The following FAM171A1 variants were observed in gnomAD, a reference collection of about 807,000 sequenced individuals.
The protein encoded by FAM171A1 is protein FAM171A1.
A neutral mutation model predicts 74.9 loss-of-function variants in FAM171A1; 23 were observed. That is an observed-to-expected ratio of 0.31 (90% CI 0.22 to 0.44). The LOEUF (loss-of-function observed/expected upper bound fraction) is 0.44, where lower values mean the gene tolerates loss of function less well. FAM171A1 is among the 20% of genes least tolerant of loss of function. The pLI, the probability that FAM171A1 is intolerant of heterozygous loss-of-function variation, is 1.00. For synonymous variants in FAM171A1, 527 were observed against 505.7 expected (o/e 1.04, Z -0.57); for missense variants, 1,162 against 1,159.2 (o/e 1.00, Z -0.03).
rs574496266 is a variant in FAM171A1, at chr10:15,275,951, C to G, written c.326-4G>C. Reference sequence around the variant, plus strand: ...CCAAGGCTCAGAGAGGAAAATACTGCAGGAAAAAGAAATGGATAGAAGGGG... The same window carrying G: ...CCAAGGCTCAGAGAGGAAAATACTGGAGGAAAAAGAAATGGATAGAAGGGG... On this transcript the variant is annotated splice_polypyrimidine_tract_variant and splice_region_variant and intron_variant, in intron 2 of 7. Transcript: ENST00000378116. The G allele has an allele frequency of 2.6e-4, 410 of 1,600,816 alleles. 3 individuals carry two copies. In the South Asian group the frequency reaches 4.4e-3, roughly 17 times the overall value.
chr10:15,277,009 T>C (rs1834903554), intron 2 of FAM171A1, among the ~76,000 whole-genome samples: 1 of 152,164 alleles, frequency 6.6e-6, no homozygotes, highest in African/African-American at 2.4e-5. Flanking sequence ...TTTCAAACTC[T>C]TGCTTAAGTA....
intron 3 of FAM171A1, among the ~76,000 whole-genome samples, chr10:15,269,400 T>C (rs2131790215): frequency 6.6e-6 from 1 of 152,130 alleles, no homozygotes; most frequent in South Asian, 2.1e-4. Flanking sequence ...ATTACAGGTG[T>C]GAGCCATTGT....
In FAM171A1 at chr10:15,213,122, C is replaced by G; in HGVS notation, c.2466G>C (p.Arg822=). 1 of 1,613,908 alleles carries G rather than the reference C, an allele frequency of 6.2e-7. No individual in the cohort carries two copies. The highest frequency in any genetic ancestry group is 8.5e-7 in the Non-Finnish European group (1 of 1,179,892). The part of the protein sequence containing the change: ...ALRCLLEGSS[R]RSGGQLPSLQ... ...GGCTGGGCAGCTGGCCACCACTTCT[C>G]CGACTCGACCCCTCCAACAAGCATC... Residue 822 remains arginine, a synonymous_variant, in exon 8 of 8, where the codon CGG becomes CGC. Transcript: ENST00000378116. This position sits in a 1 kb window ranked among gnomAD's most constrained non-coding sequence, Gnocchi z 6.8.
intron 1 of FAM171A1, among the ~76,000 whole-genome samples, chr10:15,313,872 G>T (rs1490536737): frequency 1.3e-5 from 2 of 152,206 alleles, no homozygotes; most frequent in Non-Finnish European, 2.9e-5. Context: ...CCCAACCGAG[G>T]GTTGATCTGT....
intron 1 of FAM171A1, among the ~76,000 whole-genome samples, chr10:15,305,664 TAA>T (rs59843893): frequency 1.5e-4 from 8 of 52,940 alleles, no homozygotes; most frequent in Non-Finnish European, 2.6e-4. Context: ...GAGATCTGGC[TAA>T]AAAAAAAAAA....
chr10:15,288,813 CTTTTTTTTT>C (rs71505064), intron 1 of FAM171A1, among the ~76,000 whole-genome samples: 547 of 73,694 alleles, frequency 7.4e-3, no homozygotes, highest in African/African-American at 0.025. Context: ...TTCGGTAATT[CTTTTTTTTT>C]TTTTTTTTTT....
chr10:15,343,177 C>A (rs192377884), intron 1 of FAM171A1, among the ~76,000 whole-genome samples: 1 of 152,208 alleles, frequency 6.6e-6, no homozygotes, highest in Non-Finnish European at 1.5e-5. Flanking sequence ...GCCTGGACAA[C>A]ACAGCAAGAC....
intron 1 of FAM171A1, among the ~76,000 whole-genome samples, chr10:15,343,450 C>T (rs1835787371): frequency 2.0e-5 from 3 of 152,180 alleles, no homozygotes; most frequent in Non-Finnish European, 4.4e-5. Context: ...TAGAACAGTG[C>T]TTGGATCACT....
chr10:15,309,852 A>G (rs934959117), intron 1 of FAM171A1, among the ~76,000 whole-genome samples: 1 of 152,232 alleles, frequency 6.6e-6, no homozygotes, highest in African/African-American at 2.4e-5. Context: ...ATTTAAACAC[A>G]GCAAACTTTC....
intron 1 of FAM171A1, among the ~76,000 whole-genome samples, chr10:15,286,642 G>A (rs1835038483): frequency 6.6e-6 from 1 of 152,140 alleles, no homozygotes; most frequent in Admixed American, 6.5e-5. Context: ...ATATAGAGAA[G>A]AACTTCTTTT....
chr10:15,361,804 T>C (rs1220484966), intron 1 of FAM171A1, among the ~76,000 whole-genome samples: 2 of 152,342 alleles, frequency 1.3e-5, no homozygotes, highest in South Asian at 2.1e-4. Context: ...TTTCTCCCAA[T>C]ACAAATTCAA....
intron 1 of FAM171A1, among the ~76,000 whole-genome samples, chr10:15,330,536 T>C (rs2131857974): frequency 6.6e-6 from 1 of 152,212 alleles, no homozygotes; most frequent in East Asian, 1.9e-4. Flanking sequence ...ATTAATAAGA[T>C]TGCCCTAATA....
chr10:15,296,190 T>C (rs1835158966), intron 1 of FAM171A1, among the ~76,000 whole-genome samples: 1 of 152,200 alleles, frequency 6.6e-6, no homozygotes, highest in African/African-American at 2.4e-5. Context: ...ACTGGAGTTT[T>C]CATGTAATTT....
Position 15,354,874 on chromosome 10 carries a change from T to G in FAM171A1, c.97+16082A>C, listed in dbSNP as rs555874583. On this transcript the variant is annotated intron_variant, in intron 1 of 7. Coordinates refer to ENST00000378116, the MANE Select transcript of FAM171A1 (RefSeq NM_001010924.2). ...AGACCTGTAGGAGCAGCTTGTTCAA[T>G]CTGGAGGCATTTCAGTTTTTCCAGT... Among the ~76,000 whole-genome samples, 70 of 152,362 alleles carry G rather than the reference T, an allele frequency of 4.6e-4. No individual in the cohort carries two copies. The South Asian group carries it at 0.014, about 31-fold the overall frequency.
chr10:15,215,546 G>A (rs1324763774), intron 7 of FAM171A1, among the ~76,000 whole-genome samples: 1 of 151,848 alleles, frequency 6.6e-6, no homozygotes, highest in Non-Finnish European at 1.5e-5. Flanking sequence ...TTGTATTTTT[G>A]GTAGAAACGG....
In FAM171A1 at chr10:15,321,307, AC is replaced by A. The variant is rs201997004; in HGVS notation, c.98-37203del. ...CTGGGCCTTGATTTCCTGAAAGTGA[AC>A]CCCAATTTATGTTCAGGGGTCTTGA... On this transcript the variant is annotated intron_variant, in intron 1 of 7. Coordinates refer to ENST00000378116, the MANE Select transcript of FAM171A1 (RefSeq NM_001010924.2). Among the ~76,000 whole-genome samples the A allele has an allele frequency of 2.5e-3, 385 of 151,986 alleles. 5 individuals carry two copies. The highest frequency in any genetic ancestry group is 8.5e-3 in the East Asian group (44 of 5,182).
At chr10:15,361,658 G>A (rs1835996097) in intron 1 of FAM171A1, among the ~76,000 whole-genome samples, 1 of 152,134 alleles carries the variant, frequency 6.6e-6, no homozygotes, top group Non-Finnish European at 1.5e-5. Context: ...ACTCCAGCCT[G>A]GGTGACAGAG....
chr10:15,223,259 C>T (rs1386928791), intron 5 of FAM171A1, among the ~76,000 whole-genome samples: 1 of 152,228 alleles, frequency 6.6e-6, no homozygotes, highest in African/African-American at 2.4e-5. Context: ...TTTGCGACTG[C>T]TCCTACTCCC....
chr10:15,337,325 A>G (rs929799762), intron 1 of FAM171A1, among the ~76,000 whole-genome samples: 19 of 152,376 alleles, frequency 1.2e-4, no homozygotes, highest in Admixed American at 3.9e-4. Context: ...TTGTCCTGGT[A>G]TTCCTAAATT....
Sources: gnomAD v4.1 joint callset for allele counts (sites outside exome capture counted in the v4.1 genomes callset) on GRCh38, gnomAD v4.1.1 for gene constraint, Gnocchi (gnomAD v3.1) non-coding constraint, MANE v1.5 for transcripts, NCBI Gene and HGNC (gene_info 2026-07-23, HGNC 2026-07-21) for gene names.